ZNF676: variants seen among roughly 807,000 people sequenced by gnomAD.
ZNF676 encodes the protein zinc finger protein 676.
In ZNF676, 4 loss-of-function variants were observed where a neutral mutation model predicts 6.0. That is an observed-to-expected ratio of 0.67 (90% CI 0.33 to 1.53). The LOEUF (loss-of-function observed/expected upper bound fraction) is 1.53. Among genes scored for constraint, ZNF676 ranks in the 40% most tolerant of loss-of-function variants. The pLI, the probability that ZNF676 is intolerant of heterozygous loss-of-function variation, is 0.06. For synonymous variants in ZNF676, 198 were observed against 223.1 expected (o/e 0.89, Z 1.00); for missense variants, 644 against 679.7 (o/e 0.95, Z 0.58).
the ZNF676 span, among the ~76,000 whole-genome samples, chr19:22,242,547 AC>A: frequency 6.6e-6 from 1 of 152,110 alleles, no homozygotes; most frequent in African/African-American, 2.4e-5. Flanking sequence ...GTCAAAATAC[AC>A]AATGTATGCA....
chr19:22,207,839 TG>T (rs2024091124), intron 1 of ZNF676, among the ~76,000 whole-genome samples: 1 of 152,150 alleles, frequency 6.6e-6, no homozygotes, highest in South Asian at 2.1e-4. Context: ...AACAGGAATG[TG>T]GGAAGAATTT....
At chr19:22,232,090 A>C in the ZNF676 span, among the ~76,000 whole-genome samples, 1 of 152,182 alleles carries the variant, frequency 6.6e-6, no homozygotes, top group African/African-American at 2.4e-5. Context: ...TTAGGCTTGC[A>C]AAATATATAA....
upstream of ZNF676, among the ~76,000 whole-genome samples, chr19:22,218,929 G>GTTGT (rs1555776261): frequency 5.4e-5 from 8 of 148,500 alleles, no homozygotes; most frequent in Non-Finnish European, 1.0e-4. Flanking sequence ...TTTTGATTTT[G>GTTGT]TTGTTTTGTT....
rs1193263329 is a variant in ZNF676 at position 22,186,152 on chromosome 19, A to C, written c.131-4566T>G. Among the ~76,000 whole-genome samples the C allele has an allele frequency of 8.5e-5, 13 of 152,340 alleles. No homozygotes were observed. The East Asian group carries it at 2.5e-3, about 29-fold the overall frequency. On this transcript the variant is annotated intron_variant, in intron 2 of 2. Transcript: ENST00000397121. ...CACAGAAATGTAGGGTTACCCACAA[A>C]GCAAAGCCCATCAGACTAACAGTGG...
At chr19:22,241,356 A>G in the ZNF676 span, among the ~76,000 whole-genome samples, 3,233 of 152,020 alleles carry the variant, frequency 0.021, 56 homozygotes, top group Non-Finnish European at 0.033. Flanking sequence ...CAAAAGACCC[A>G]ATCCCTCCTG....
chr19:22,182,585 T>TTAAAAAAAAAAAAAAAAAAAAAAAAA (rs376894161), intron 2 of ZNF676, among the ~76,000 whole-genome samples: 3 of 45,046 alleles, frequency 6.7e-5, no homozygotes, highest in African/African-American at 3.2e-4. Context: ...GTCAAAGTTC[T>TTAAAAAAAAAAAAAAAAAAAAAAAAA]AAAAAAAAAA....
At chr19:22,219,784 T>C (rs2024229388), upstream of ZNF676, among the ~76,000 whole-genome samples, 2 of 151,988 alleles carry the variant, frequency 1.3e-5, no homozygotes. Context: ...GCCTCCCCAG[T>C]AGCTGGCACC....
At chr19:22,186,055 T>G (rs148861971) in intron 2 of ZNF676, among the ~76,000 whole-genome samples, 2,653 of 151,972 alleles carry the variant, frequency 0.017, 50 homozygotes, top group African/African-American at 0.039. Flanking sequence ...TCCTCAAGAA[T>G]AGCAACCCCA....
upstream of ZNF676, among the ~76,000 whole-genome samples, chr19:22,220,461 G>GTTTT (rs58810797): frequency 1.6e-4 from 19 of 115,408 alleles, no homozygotes; most frequent in African/African-American, 4.4e-4. Context: ...TTTGTTGGCA[G>GTTTT]TTTTTTTTTT....
chr19:22,257,919 C>T, the ZNF676 span, among the ~76,000 whole-genome samples: 5 of 152,160 alleles, frequency 3.3e-5, no homozygotes, highest in African/African-American at 7.2e-5. Context: ...GTAATGATCA[C>T]CCCAGTGGGG....
chr19:22,182,855 T>A (rs1007353299), intron 2 of ZNF676, among the ~76,000 whole-genome samples: 12 of 151,974 alleles, frequency 7.9e-5, no homozygotes, highest in African/African-American at 2.9e-4. Flanking sequence ...CACAAAAAAA[T>A]TGAATTTCTA....
At chr19:22,226,340 A>G in the ZNF676 span, among the ~76,000 whole-genome samples, 1 of 151,942 alleles carries the variant, frequency 6.6e-6, no homozygotes, top group Non-Finnish European at 1.5e-5. Context: ...GGGAAAGTTT[A>G]TTACCTCCTC....
upstream of ZNF676, among the ~76,000 whole-genome samples, chr19:22,200,158 T>C (rs2024009475): frequency 6.6e-6 from 1 of 152,130 alleles, no homozygotes; most frequent in African/African-American, 2.4e-5. Context: ...AACTTAAATC[T>C]GAGTTTGTAT....
chr19:22,195,587 C>A (rs2023958995), intron 1 of ZNF676, among the ~76,000 whole-genome samples: 1 of 152,176 alleles, frequency 6.6e-6, no homozygotes, highest in South Asian at 2.1e-4. Context: ...CAGAGGCATA[C>A]AGCCAACCAA....
chr19:22,248,048 C>T, the ZNF676 span, among the ~76,000 whole-genome samples: 1 of 145,738 alleles, frequency 6.9e-6, no homozygotes, highest in Non-Finnish European at 1.5e-5. Flanking sequence ...TTTCCAGCTT[C>T]ATCCATGTCC....
chr19:22,232,157 T>C, the ZNF676 span, among the ~76,000 whole-genome samples: 1 of 151,868 alleles, frequency 6.6e-6, no homozygotes, highest in South Asian at 2.1e-4. Flanking sequence ...TACAATAGCA[T>C]ATTTCTTTTC....
At chr19:22,232,313 G>A in the ZNF676 span, among the ~76,000 whole-genome samples, 6 of 151,926 alleles carry the variant, frequency 3.9e-5, no homozygotes, top group Non-Finnish European at 5.9e-5. Flanking sequence ...GAGAACAGGC[G>A]TGCACTACCA....
chr19:22,245,423 A>G, the ZNF676 span: 1 of 152,058 alleles, frequency 6.6e-6, no homozygotes, highest in African/African-American at 2.4e-5. Context: ...GAGATATGTC[A>G]TAATCTCTCC....
At chr19:22,256,660 G>T in the ZNF676 span, among the ~76,000 whole-genome samples, 1 of 152,136 alleles carries the variant, frequency 6.6e-6, no homozygotes, top group African/African-American at 2.4e-5. Flanking sequence ...GTTGAGTCCA[G>T]TGATATGATA....
Sources: allele counts gnomAD v4.1 joint callset (sites outside exome capture counted in the v4.1 genomes callset), GRCh38; gene constraint gnomAD v4.1.1; transcripts MANE v1.5; gene names NCBI Gene and HGNC (gene_info 2026-07-23, HGNC 2026-07-21).